The following FHIT variants were observed in gnomAD, a reference collection of about 807,000 sequenced individuals.
FHIT encodes bis(5'-adenosyl)-triphosphatase.
Under a neutral mutation model 17.9 loss-of-function variants are expected in FHIT, and 19 were observed. The observed-to-expected ratio is 1.06, with a 90% CI of 0.74 to 1.56. The LOEUF (loss-of-function observed/expected upper bound fraction) is 1.56. Ranked by LOEUF, FHIT falls within the 40% of genes most tolerant of loss-of-function variation. The probability of loss-of-function intolerance (pLI) is 0.00; values close to 1 mark genes in which losing one functional copy is unlikely to be tolerated. For synonymous variants in FHIT, 81 were observed against 69.7 expected, an observed-to-expected ratio of 1.16 and a Z score of -0.81; for missense variants, 248 against 189.2, an observed-to-expected ratio of 1.31 and a Z score of -1.82.
chr3:60,376,522 AGC>A (rs1700569230), intron 5 of FHIT, among the ~76,000 whole-genome samples: 1 of 152,176 alleles, frequency 6.6e-6, no homozygotes, highest in Admixed American at 6.5e-5. Context: ...AGCTGCCTTC[AGC>A]AAAAGAGTCT....
chr3:60,990,704 C>T (rs554924738), intron 3 of FHIT, among the ~76,000 whole-genome samples: 12 of 152,282 alleles, frequency 7.9e-5, no homozygotes, highest in African/African-American at 2.2e-4. Context: ...TCAATTCCCG[C>T]GATTGCGAGC....
At chr3:61,003,414 C>G (rs999390204) in intron 3 of FHIT, among the ~76,000 whole-genome samples, 1 of 152,178 alleles carries the variant, frequency 6.6e-6, no homozygotes, top group Non-Finnish European at 1.5e-5. Flanking sequence ...CACTACCAAG[C>G]TTTTATCCTA....
At chr3:60,470,798 C>T (rs2033051297) in intron 5 of FHIT, among the ~76,000 whole-genome samples, 1 of 152,158 alleles carries the variant, frequency 6.6e-6, no homozygotes, top group South Asian at 2.1e-4. Flanking sequence ...CCTGTAGCCA[C>T]CACAGCTGGG....
At chr3:60,544,135 A>C (rs567123965) in intron 4 of FHIT, among the ~76,000 whole-genome samples, 1 of 151,278 alleles carries the variant, frequency 6.6e-6, no homozygotes, top group South Asian at 2.1e-4. Context: ...TCCTACTTTC[A>C]TGTTTCTTTG....
At chr3:60,156,657 T>TGA (rs1700710369) in intron 5 of FHIT, among the ~76,000 whole-genome samples, 1 of 151,874 alleles carries the variant, frequency 6.6e-6, no homozygotes, top group South Asian at 2.1e-4. Flanking sequence ...GAGGCTGAGG[T>TGA]GAGAGGATTA....
At chr3:59,903,475 C>T (rs995978640) in intron 8 of FHIT, among the ~76,000 whole-genome samples, 1 of 152,164 alleles carries the variant, frequency 6.6e-6, no homozygotes, top group Admixed American at 6.5e-5. Flanking sequence ...ATGGAAAGTT[C>T]TTAGCTTCAT....
intron 5 of FHIT, among the ~76,000 whole-genome samples, chr3:60,369,137 T>A (rs1041585607): frequency 6.7e-6 from 1 of 149,930 alleles, no homozygotes; most frequent in Non-Finnish European, 1.5e-5. Context: ...CACGCCTTGC[T>A]AATTTTTTTA....
At chr3:60,098,109 C>T (rs1704039019) in intron 5 of FHIT, among the ~76,000 whole-genome samples, 1 of 147,020 alleles carries the variant, frequency 6.8e-6, no homozygotes, top group African/African-American at 2.5e-5. Flanking sequence ...TTAATCCAGT[C>T]TATCCTTGTT....
intron 4 of FHIT, among the ~76,000 whole-genome samples, chr3:60,801,813 T>C (rs1701197072): frequency 1.3e-5 from 2 of 152,228 alleles, no homozygotes; most frequent in Non-Finnish European, 2.9e-5. Flanking sequence ...GTAGGCTCTA[T>C]ATACATACTG....
chr3:59,849,924 T>C (rs1701867384), intron 8 of FHIT, among the ~76,000 whole-genome samples: 1 of 152,224 alleles, frequency 6.6e-6, no homozygotes, highest in Admixed American at 6.5e-5. Flanking sequence ...CCTTTGACTT[T>C]AGTTCTTTAA....
In FHIT at chr3:60,248,758, G is replaced by A. The variant is rs1352272579; in HGVS notation, c.104-234606C>T. On this transcript the variant is annotated intron_variant, in intron 5 of 9. Coordinates refer to ENST00000492590, the MANE Select transcript of FHIT (RefSeq NM_002012.4). ...GCCACTTTAGCATAAGGATTATTTT[G>A]AGCTAAAGGCACTTAAAAAACAGCA... Among the ~76,000 whole-genome samples the A allele has an allele frequency of 2.0e-5, 3 of 152,076 alleles. No homozygotes were observed. In the East Asian group the frequency reaches 5.8e-4, roughly 29 times the overall value.
intron 7 of FHIT, 105 bp from the exon 8 acceptor site, chr3:59,922,519 C>T: frequency 1.1e-6 from 1 of 930,638 alleles, no homozygotes; most frequent in Non-Finnish European, 1.6e-6. Context: ...ATGGTTCCTG[C>T]TGGGTTATTT....
intron 2 of FHIT, among the ~76,000 whole-genome samples, chr3:61,187,057 G>A (rs1168944806): frequency 2.6e-5 from 4 of 152,254 alleles, no homozygotes; most frequent in South Asian, 4.1e-4. Context: ...CCCGACCCAT[G>A]TTCCTTGTAC....
At chr3:59,984,850 G>A (rs757832722) in intron 7 of FHIT, among the ~76,000 whole-genome samples, 6 of 152,096 alleles carry the variant, frequency 3.9e-5, no homozygotes, top group Non-Finnish European at 7.4e-5. Flanking sequence ...GGGGCTACAT[G>A]TCATAATCCT....
At chr3:60,445,397 G>C (rs2031255241) in intron 5 of FHIT, among the ~76,000 whole-genome samples, 1 of 151,588 alleles carries the variant, frequency 6.6e-6, no homozygotes, top group South Asian at 2.1e-4. Flanking sequence ...AAGCAATTAT[G>C]ATACGTTTCT....
intron 4 of FHIT, among the ~76,000 whole-genome samples, chr3:60,719,790 G>C (rs1716745): frequency 0.91 from 138,089 of 152,148 alleles, 63,517 homozygotes; most frequent in East Asian, 1. Context: ...GGCATTCATC[G>C]TCTACTCCTT....
At chr3:60,488,625 G>C (rs1034281987) in intron 5 of FHIT, among the ~76,000 whole-genome samples, 1 of 152,070 alleles carries the variant, frequency 6.6e-6, no homozygotes, top group Non-Finnish European at 1.5e-5. Context: ...CAATAGCTAT[G>C]TACAATAGAA....
intron 4 of FHIT, among the ~76,000 whole-genome samples, chr3:60,716,315 G>A (rs565888045): frequency 6.6e-6 from 1 of 151,880 alleles, no homozygotes; most frequent in Non-Finnish European, 1.5e-5. Context: ...CAAACACATC[G>A]TACAGCTGCA....
At chr3:61,099,466 T>C (rs2035750358) in intron 2 of FHIT, among the ~76,000 whole-genome samples, 1 of 152,176 alleles carries the variant, frequency 6.6e-6, no homozygotes, top group Non-Finnish European at 1.5e-5. Context: ...CCTCAATTTT[T>C]TGGAATAGCT....
Sources: allele counts gnomAD v4.1 joint callset (sites outside exome capture counted in the v4.1 genomes callset), GRCh38; gene constraint gnomAD v4.1.1; transcripts MANE v1.5; gene names NCBI Gene and HGNC (gene_info 2026-07-23, HGNC 2026-07-21).